Variants in TUT4 observed in about 807,000 individuals in gnomAD.
TUT4 encodes the protein terminal uridylyl transferase 4.
In TUT4, 36 loss-of-function variants were observed where a neutral mutation model predicts 192.2. That is an observed-to-expected ratio of 0.19 (90% confidence interval 0.14 to 0.25). The LOEUF is 0.25. Among genes scored for constraint, TUT4 ranks in the 10% least tolerant of loss-of-function variants. The pLI, the probability that TUT4 is intolerant of heterozygous loss-of-function variation, is 1.00. For missense variants in TUT4, 1,493 were observed against 1,957.2 expected, an observed-to-expected ratio of 0.76 and a Z score of 4.47; for synonymous variants, 618 against 666.0, an observed-to-expected ratio of 0.93 and a Z score of 1.11.
chr1:52,465,269 C>T, intron 15 of TUT4, 96 bp from the exon 16 acceptor site: 1 of 728,436 alleles, frequency 1.4e-6, no homozygotes, highest in Non-Finnish European at 2.2e-6. Context: ...TGCTCTTGTC[C>T]ATTTCTATGA....
intron 24 of TUT4, among the ~76,000 whole-genome samples, chr1:52,440,945 T>C (rs1052748257): frequency 6.6e-6 from 1 of 152,188 alleles, no homozygotes; most frequent in African/African-American, 2.4e-5. Context: ...GTTCATTTAA[T>C]TGGGGTTCAA....
intron 3 of TUT4, among the ~76,000 whole-genome samples, chr1:52,512,536 A>G (rs1266211453): frequency 1.3e-5 from 2 of 152,196 alleles, no homozygotes; most frequent in Non-Finnish European, 2.9e-5. Flanking sequence ...CCAACCAACC[A>G]CTTCGTGCAA....
chr1:52,492,330 G>A (rs1168836913), intron 7 of TUT4, among the ~76,000 whole-genome samples: 4 of 152,096 alleles, frequency 2.6e-5, no homozygotes, highest in African/African-American at 9.7e-5. Context: ...TAAAGCCAAT[G>A]AGAGAGTATG....
intron 1 of TUT4, among the ~76,000 whole-genome samples, chr1:52,542,937 TAG>T (rs1687113944): frequency 6.6e-6 from 1 of 152,070 alleles, no homozygotes; most frequent in South Asian, 2.1e-4. Flanking sequence ...GTATTTTTAG[TAG>T]AGACAGCGTT....
chr1:52,441,917 C>T (rs1655722574), intron 24 of TUT4, among the ~76,000 whole-genome samples: 1 of 151,898 alleles, frequency 6.6e-6, no homozygotes, highest in Admixed American at 6.6e-5. Context: ...ACCTGTAATC[C>T]CAGCATTTTG....
chr1:52,464,707 A>G (rs558308450), intron 16 of TUT4, among the ~76,000 whole-genome samples: 37 of 152,360 alleles, frequency 2.4e-4, no homozygotes, highest in African/African-American at 8.7e-4. Context: ...CTAATGAAAG[A>G]GATATGAGAA....
intron 8 of TUT4, among the ~76,000 whole-genome samples, chr1:52,489,324 G>T (rs1250473978): frequency 2.0e-5 from 3 of 152,156 alleles, no homozygotes; most frequent in Non-Finnish European, 2.9e-5. Context: ...AATTTCAAAA[G>T]CAGCATTATG....
chr1:52,521,457 G>C (rs1680247105), intron 2 of TUT4, among the ~76,000 whole-genome samples: 1 of 151,942 alleles, frequency 6.6e-6, no homozygotes, highest in Admixed American at 6.6e-5. Context: ...TTGAGGTCAG[G>C]AGTTCAAGAC....
intron 16 of TUT4, among the ~76,000 whole-genome samples, chr1:52,464,457 T>C (rs1443530981): frequency 6.6e-6 from 1 of 152,152 alleles, no homozygotes; most frequent in East Asian, 1.9e-4. Context: ...GGTTTCACCA[T>C]GTTGGCCAGG....
chr1:52,430,432 ACCACC>A (rs1183922001), intron 28 of TUT4, among the ~76,000 whole-genome samples: 1 of 152,026 alleles, frequency 6.6e-6, no homozygotes, highest in Non-Finnish European at 1.5e-5. Context: ...ACAGGCGTGC[ACCACC>A]ACACCCAGCT....
At chr1:52,498,949 T>TG (rs1673328281) in intron 4 of TUT4, among the ~76,000 whole-genome samples, 1 of 72,282 alleles carries the variant, frequency 1.4e-5, no homozygotes, top group African/African-American at 4.9e-5. Flanking sequence ...TATATATATA[T>TG]ATATATATAT....
rs746931135 is a variant in TUT4, at chr1:52,497,045, C to T, written c.1138G>A (p.Val380Met). The T allele has an allele frequency of 1.7e-5, 27 of 1,613,506 alleles. No individual in the cohort carries two copies. Among genetic ancestry groups the T allele is most frequent in the South Asian group, 8.8e-5 (8 of 90,966 alleles). Residue 380 changes from valine (V) to methionine (M), a missense_variant, in exon 5 of 30, where the codon GTG becomes ATG. Val to Met is a conservative substitution (Grantham distance 21). Around this residue, in one of 7 missense-constraint regions of TUT4, gnomAD observed 437 missense variants for 577.6 expected, o/e 0.76. Transcript: ENST00000257177. ...DDDLRVRQEI[V>M]EEMSKVITTF... ...GTTATAACCTTTGACATTTCCTCCA[C>T]AATTTCCTGACGGACTCTGAGGTCA...
At position 52,497,181 on chromosome 1, in the gene TUT4, T is replaced by C. The variant is rs777614259; in HGVS notation, c.1002A>G (p.Glu334=). 3.1e-6 allele frequency: 5 copies of C among 1,598,298 alleles called. No homozygotes were observed. The highest frequency in any genetic ancestry group is 1.1e-5 in the South Asian group (1 of 87,764). Residue 334 remains glutamate, a splice_region_variant and synonymous_variant, in exon 5 of 30, where the codon GAA becomes GAG. Transcript: ENST00000257177. The part of the protein sequence containing the change: ...KEKRHKKNIL[E]KQEESELRSL... Reference sequence around the variant, plus strand: ...AACGAAGCTCACTTTCTTCTTGTTTTTCCTATTAATGTAATGATTCACAAC... The same window carrying C: ...AACGAAGCTCACTTTCTTCTTGTTTCTCCTATTAATGTAATGATTCACAAC...
At chr1:52,443,050 G>A (rs937540197) in intron 24 of TUT4, among the ~76,000 whole-genome samples, 10 of 152,118 alleles carry the variant, frequency 6.6e-5, no homozygotes, top group Admixed American at 3.9e-4. Context: ...TTGGGAGGCC[G>A]AGGCAGGTGG....
intron 3 of TUT4, among the ~76,000 whole-genome samples, chr1:52,514,258 T>C (rs1042158378): frequency 6.6e-5 from 10 of 152,108 alleles, no homozygotes; most frequent in African/African-American, 1.9e-4. Context: ...CTGGCCAATA[T>C]AGTGAAACCC....
At chr1:52,448,114 A>G (rs980032537) in intron 20 of TUT4, among the ~76,000 whole-genome samples, 4 of 152,262 alleles carry the variant, frequency 2.6e-5, no homozygotes, top group Non-Finnish European at 1.5e-5. Context: ...AAAGCCACAT[A>G]GAGAACACTT....
intron 2 of TUT4, among the ~76,000 whole-genome samples, chr1:52,524,046 G>A (rs1681033504): frequency 6.6e-6 from 1 of 152,094 alleles, no homozygotes. Context: ...TTACTCAAAA[G>A]ACATAGACAA....
chr1:52,441,282 C>CTTT (rs201555130), intron 24 of TUT4, among the ~76,000 whole-genome samples: 5 of 118,218 alleles, frequency 4.2e-5, no homozygotes, highest in Admixed American at 1.7e-4. Flanking sequence ...GGGCATATGG[C>CTTT]TTTTTTTTTT....
At chr1:52,483,973 C>T (rs763178135) in intron 9 of TUT4, among the ~76,000 whole-genome samples, 3 of 151,952 alleles carry the variant, frequency 2.0e-5, no homozygotes, top group East Asian at 1.9e-4. Context: ...GCAAGACCTC[C>T]GTCTCTAAAA....
Sources: gnomAD v4.1 joint callset for allele counts (sites outside exome capture counted in the v4.1 genomes callset) on GRCh38, gnomAD v4.1.1 for gene constraint, gnomAD v4.1.1 regional missense constraint, MANE v1.5 for transcripts, NCBI Gene and HGNC (gene_info 2026-07-23, HGNC 2026-07-21) for gene names.